Variants in GRIK1 observed in about 807,000 individuals in gnomAD.
GRIK1 encodes glutamate ionotropic receptor kainate type subunit 1.
Under a neutral mutation model 105.7 loss-of-function variants are expected in GRIK1, and 69 were observed. The ratio of observed to expected loss-of-function variants is 0.65; its 90% CI spans 0.54 to 0.80. GRIK1 has a LOEUF of 0.80. Among genes scored for constraint, GRIK1 ranks in the 30% least tolerant of loss-of-function variants. GRIK1 has a pLI of 0.00. For missense variants in GRIK1, 1,109 were observed against 1,167.3 expected (o/e 0.95, Z 0.73); for synonymous variants, 438 against 431.3 (o/e 1.02, Z -0.19).
intron 7 of GRIK1, among the ~76,000 whole-genome samples, chr21:29,642,004 A>T (rs2062520231): frequency 6.6e-6 from 1 of 152,154 alleles, no homozygotes; most frequent in South Asian, 2.1e-4. Context: ...TTGAGAACTA[A>T]ATGTCTGTAT....
chr21:29,854,632 G>T (rs572939076), intron 1 of GRIK1, among the ~76,000 whole-genome samples: 1 of 152,158 alleles, frequency 6.6e-6, no homozygotes, highest in Non-Finnish European at 1.5e-5. Flanking sequence ...ATTATAAACA[G>T]TGAATAAATG....
At chr21:29,850,800 G>C (rs1033907360) in intron 1 of GRIK1, among the ~76,000 whole-genome samples, 3 of 152,066 alleles carry the variant, frequency 2.0e-5, no homozygotes, top group Non-Finnish European at 2.9e-5. Context: ...AGTATAACAG[G>C]GGAAATAGTA....
chr21:29,835,211 A>G lies in GRIK1; in HGVS notation c.118+104172T>C, dbSNP rs531869930. On this transcript the variant is annotated intron_variant, in intron 1 of 17. Transcript: ENST00000327783. ...CTCCTACAAATCTTTCTGAAATTTC[A>G]TGGGGACTTACCTACCCTACTAGCC... 8.9e-4 allele frequency among the ~76,000 whole-genome samples: 135 copies of G among 152,234 alleles called. 1 individual carries two copies. The Middle Eastern group carries it at 0.014, about 15-fold the overall frequency.
chr21:29,591,263 C>G (rs1490491313), intron 9 of GRIK1, 38 bp from the exon 10 acceptor site: 1 of 1,211,442 alleles, frequency 8.3e-7, no homozygotes, highest in Non-Finnish European at 1.2e-6. Flanking sequence ...TGCTGGCTGT[C>G]AGTGTGGCAT....
At chr21:29,637,482 A>G (rs2062421076) in intron 7 of GRIK1, among the ~76,000 whole-genome samples, 1 of 152,206 alleles carries the variant, frequency 6.6e-6, no homozygotes. Context: ...TACCCCTAAA[A>G]TTCATGTGCT....
chr21:29,693,607 A>G (rs1389833727), intron 2 of GRIK1, among the ~76,000 whole-genome samples: 2 of 152,178 alleles, frequency 1.3e-5, no homozygotes, highest in African/African-American at 4.8e-5. Context: ...CAGCTTCAGG[A>G]AGGAAAAACA....
intron 1 of GRIK1, among the ~76,000 whole-genome samples, chr21:29,915,459 C>T (rs959377456): frequency 1.3e-5 from 2 of 152,006 alleles, no homozygotes; most frequent in Non-Finnish European, 2.9e-5. Flanking sequence ...GTAATAGGCA[C>T]AACGCTTTAG....
chr21:29,822,676 G>A (rs116796017), intron 1 of GRIK1, among the ~76,000 whole-genome samples: 2,438 of 152,052 alleles, frequency 0.016, 61 homozygotes, highest in African/African-American at 0.056. Flanking sequence ...ACTTTCTGGA[G>A]TTCCAGCAGT....
intron 1 of GRIK1, among the ~76,000 whole-genome samples, chr21:29,850,212 C>A (rs1359212551): frequency 6.6e-6 from 1 of 152,126 alleles, no homozygotes; most frequent in African/African-American, 2.4e-5. Context: ...TAAACAAAAT[C>A]ATCTTCTCTT....
At chr21:29,938,482 G>T (rs929529925) in intron 1 of GRIK1, among the ~76,000 whole-genome samples, 2 of 152,212 alleles carry the variant, frequency 1.3e-5, no homozygotes, top group African/African-American at 2.4e-5. Context: ...TTCAGAAATT[G>T]CCCTATGCAG....
chr21:29,703,867 G>C (rs2063857584), intron 1 of GRIK1, among the ~76,000 whole-genome samples: 2 of 152,148 alleles, frequency 1.3e-5, no homozygotes, highest in Non-Finnish European at 2.9e-5. Flanking sequence ...TGTCACCGTT[G>C]AGACAATAAC....
chr21:29,730,028 A>T (rs1421168843), intron 1 of GRIK1, among the ~76,000 whole-genome samples: 1 of 152,140 alleles, frequency 6.6e-6, no homozygotes, highest in Non-Finnish European at 1.5e-5. Flanking sequence ...TAATCACTAC[A>T]TTTTCCCAAT....
At chr21:29,817,934 C>T (rs1459393007) in intron 1 of GRIK1, among the ~76,000 whole-genome samples, 3 of 152,082 alleles carry the variant, frequency 2.0e-5, no homozygotes, top group Non-Finnish European at 2.9e-5. Context: ...TGTCCTCTCC[C>T]TATTCCTATG....
chr21:29,864,259 C>A (rs1301508304), intron 1 of GRIK1, among the ~76,000 whole-genome samples: 2 of 152,016 alleles, frequency 1.3e-5, no homozygotes, highest in Non-Finnish European at 2.9e-5. Context: ...GACATAATTT[C>A]ATTATTTTTT....
intron 12 of GRIK1, among the ~76,000 whole-genome samples, chr21:29,586,928 C>T (rs1048316526): frequency 6.6e-6 from 1 of 152,082 alleles, no homozygotes; most frequent in South Asian, 2.1e-4. Context: ...GTTTCACAAT[C>T]TTTTTACTCC....
chr21:29,672,056 CTT>C (rs57589929), intron 4 of GRIK1, among the ~76,000 whole-genome samples: 21 of 131,560 alleles, frequency 1.6e-4, no homozygotes, highest in Admixed American at 3.1e-4. Context: ...TCTGAATTTA[CTT>C]TTTTTTTTTT....
At chr21:29,651,581 G>A (rs2146560325) in intron 5 of GRIK1, among the ~76,000 whole-genome samples, 1 of 152,204 alleles carries the variant, frequency 6.6e-6, no homozygotes, top group East Asian at 1.9e-4. Flanking sequence ...TTTGTCCAGA[G>A]TCTCCATACT....
chr21:29,782,314 C>T (rs1328773361), intron 1 of GRIK1, among the ~76,000 whole-genome samples: 2 of 152,106 alleles, frequency 1.3e-5, no homozygotes, highest in Admixed American at 6.5e-5. Flanking sequence ...TCTCGATCTC[C>T]TGACCTTGTG....
intron 14 of GRIK1, among the ~76,000 whole-genome samples, chr21:29,573,212 C>T (rs762713566): frequency 4.6e-5 from 7 of 152,158 alleles, no homozygotes; most frequent in Non-Finnish European, 8.8e-5. Context: ...TCATCATTTT[C>T]CTGGTGACCT....
Sources: gnomAD v4.1 joint callset for allele counts (sites outside exome capture counted in the v4.1 genomes callset) on GRCh38, gnomAD v4.1.1 for gene constraint, MANE v1.5 for transcripts, NCBI Gene and HGNC (gene_info 2026-07-23, HGNC 2026-07-21) for gene names.